APBB2: variants seen among roughly 807,000 people sequenced by gnomAD.
The protein encoded by APBB2 is Fe65-like 1.
In APBB2, 38 loss-of-function variants were observed where a neutral mutation model predicts 82.5. That is an observed-to-expected ratio of 0.46 (90% CI 0.36 to 0.60). The LOEUF (loss-of-function observed/expected upper bound fraction) is 0.60, where lower values mean the gene tolerates loss of function less well. Among genes scored for constraint, APBB2 ranks in the 20% least tolerant of loss-of-function variants. The pLI, the probability that APBB2 is intolerant of heterozygous loss-of-function variation, is 0.00. For synonymous variants in APBB2, 341 were observed against 368.2 expected, an observed-to-expected ratio of 0.93 and a Z score of 0.85; for missense variants, 772 against 972.3, an observed-to-expected ratio of 0.79 and a Z score of 2.74.
chr4:40,997,611 G>A (rs1803984275), intron 6 of APBB2, among the ~76,000 whole-genome samples: 1 of 152,144 alleles, frequency 6.6e-6, no homozygotes, highest in African/African-American at 2.4e-5. Flanking sequence ...AGTTCCCAAA[G>A]GGAACTTCGA....
At chr4:41,165,778 C>T (rs993112760) in intron 1 of APBB2, among the ~76,000 whole-genome samples, 2 of 152,074 alleles carry the variant, frequency 1.3e-5, no homozygotes, top group Non-Finnish European at 1.5e-5. Flanking sequence ...CCAGCTTGAT[C>T]GCCCAGTAGA....
chr4:40,886,173 C>T lies in APBB2; in HGVS notation c.1529+4191G>A, dbSNP rs114114738. Among the ~76,000 whole-genome samples the T allele has an allele frequency of 9.3e-3, 1,414 of 152,298 alleles. 22 individuals are homozygous for T. Among genetic ancestry groups the T allele is most frequent in the African/African-American group, 0.032 (1,344 of 41,582 alleles). On this transcript the variant is annotated intron_variant, in intron 12 of 17. Transcript: ENST00000508593. ...AAGAGGGGAGTCCCTGTTCCAAGTT[C>T]CCTGTGTTCAGAAATTATGTTTTGG... is the stretch of plus-strand genomic sequence containing the variant.
At chr4:41,027,722 C>A (rs1013648885) in intron 5 of APBB2, among the ~76,000 whole-genome samples, 2 of 152,136 alleles carry the variant, frequency 1.3e-5, no homozygotes, top group African/African-American at 4.8e-5. Context: ...ACTATGTATA[C>A]CAAGGCCAAG....
At chr4:40,958,477 C>A (rs1792250015) in intron 6 of APBB2, among the ~76,000 whole-genome samples, 1 of 152,076 alleles carries the variant, frequency 6.6e-6, no homozygotes, top group Non-Finnish European at 1.5e-5. Flanking sequence ...TTGAGAAGTA[C>A]TGGGAAAAAA....
At chr4:41,199,957 G>T (rs781266130) in intron 1 of APBB2, among the ~76,000 whole-genome samples, 3 of 152,088 alleles carry the variant, frequency 2.0e-5, no homozygotes, top group Non-Finnish European at 4.4e-5. Context: ...TCAGAATTTG[G>T]CCCTTTAGAC....
chr4:40,968,033 A>G (rs1795084233), intron 6 of APBB2, among the ~76,000 whole-genome samples: 1 of 152,188 alleles, frequency 6.6e-6, no homozygotes, highest in South Asian at 2.1e-4. Context: ...GTGTTTTCAC[A>G]TTTCATCAAC....
intron 6 of APBB2, among the ~76,000 whole-genome samples, chr4:40,975,837 CAG>C (rs1797061330): frequency 6.6e-6 from 1 of 151,288 alleles, no homozygotes; most frequent in Non-Finnish European, 1.5e-5. Context: ...TCTACAAAAA[CAG>C]AGAACAAATT....
At chr4:41,001,464 G>C (rs1215043009) in intron 6 of APBB2, among the ~76,000 whole-genome samples, 1 of 152,316 alleles carries the variant, frequency 6.6e-6, no homozygotes, top group Non-Finnish European at 1.5e-5. Context: ...TCTATATGAA[G>C]AATTCTTCAA....
intron 6 of APBB2, among the ~76,000 whole-genome samples, chr4:41,002,308 C>G (rs1805461382): frequency 6.6e-6 from 1 of 152,330 alleles, no homozygotes; most frequent in East Asian, 1.9e-4. Context: ...GAGAAGTCAT[C>G]TAGAGATGTC....
intron 1 of APBB2, among the ~76,000 whole-genome samples, chr4:41,194,405 G>A: frequency 1.3e-5 from 2 of 152,154 alleles, no homozygotes; most frequent in African/African-American, 2.4e-5. Context: ...ATCTGGGGCC[G>A]GTCACAGTGG....
At chr4:40,824,083 C>T (rs115285609) in intron 15 of APBB2, among the ~76,000 whole-genome samples, 41 of 152,062 alleles carry the variant, frequency 2.7e-4, no homozygotes, top group Non-Finnish European at 5.0e-4. Context: ...ACCCAGGAGG[C>T]GGAGGCTGCA....
intron 1 of APBB2, among the ~76,000 whole-genome samples, chr4:41,198,075 G>T: frequency 2.0e-5 from 3 of 152,148 alleles, no homozygotes; most frequent in Non-Finnish European, 4.4e-5. Context: ...TGGAGGTAGA[G>T]AAATAATTCA....
intron 6 of APBB2, among the ~76,000 whole-genome samples, chr4:40,991,185 TTTTTTTTTTTTTG>T (rs927429699): frequency 2.2e-5 from 3 of 138,252 alleles, no homozygotes; most frequent in Non-Finnish European, 3.2e-5. Flanking sequence ...CTTTTTTTTT[TTTTTTTTTTTTTG>T]TAGAAATGAG....
At chr4:41,113,059 C>T (rs973393723) in intron 2 of APBB2, among the ~76,000 whole-genome samples, 5 of 151,974 alleles carry the variant, frequency 3.3e-5, no homozygotes, top group South Asian at 2.1e-4. Flanking sequence ...CAGAAAACAA[C>T]GAGCCACTGT....
intron 6 of APBB2, among the ~76,000 whole-genome samples, chr4:40,970,493 T>C (rs571244120): frequency 6.6e-6 from 1 of 152,286 alleles, no homozygotes; most frequent in East Asian, 1.9e-4. Flanking sequence ...CAAAGGCATT[T>C]AAACTAACTG....
chr4:41,198,503 G>A, intron 1 of APBB2, among the ~76,000 whole-genome samples: 2 of 152,176 alleles, frequency 1.3e-5, no homozygotes, highest in African/African-American at 4.8e-5. Context: ...ACTATAGGAA[G>A]ATGGTGTTCT....
rs1296864557 is a variant in APBB2 at position 40,810,678 on chromosome 4, T to A, written c.*5414A>T. 2.0e-5 allele frequency: 3 copies of A among 152,068 alleles called. No individual in the cohort carries two copies. Among genetic ancestry groups the A allele is most frequent in the African/African-American group, 4.8e-5 (2 of 41,496 alleles). The allele number at this position is 152,068 out of a possible 1,614,324, so 9.4% of individuals were successfully genotyped here. A position where few individuals can be genotyped will look rare whatever the true frequency, so the allele number is the denominator to read the frequency against. ...GTATTTTAAATCCCTGAAGAAGAAT[T>A]CTTCATGTTATCACTCTTGTACAGA... On this transcript the variant is annotated 3_prime_UTR_variant, in exon 18 of 18. Coordinates refer to ENST00000508593, the MANE Select transcript of APBB2 (RefSeq NM_004307.2).
intron 6 of APBB2, among the ~76,000 whole-genome samples, chr4:40,980,714 C>T (rs1798254245): frequency 6.6e-6 from 1 of 152,210 alleles, no homozygotes; most frequent in Non-Finnish European, 1.5e-5. Flanking sequence ...GGCTTAACTG[C>T]TGCACATGGG....
intron 12 of APBB2, 103 bp from the exon 13 acceptor site, chr4:40,830,680 A>G (rs1457934082): frequency 2.9e-6 from 2 of 692,540 alleles, no homozygotes; most frequent in Non-Finnish European, 5.2e-6. Flanking sequence ...TGTCAATGGT[A>G]AACAATGTAT....
Sources: allele counts gnomAD v4.1 joint callset (sites outside exome capture counted in the v4.1 genomes callset), GRCh38; gene constraint gnomAD v4.1.1; transcripts MANE v1.5; gene names NCBI Gene and HGNC (gene_info 2026-07-23, HGNC 2026-07-21).